Variants in LMF1 observed in about 807,000 individuals in gnomAD.
The protein encoded by LMF1 is lipase maturation factor 1.
A neutral mutation model predicts 60.6 loss-of-function variants in LMF1; 68 were observed. The observed-to-expected ratio is 1.12, with a 90% CI of 0.92 to 1.37. The LOEUF (loss-of-function observed/expected upper bound fraction) is 1.37. Among genes scored for constraint, LMF1 ranks in the 40% most tolerant of loss-of-function variants. LMF1 has a pLI of 0.00. For missense variants in LMF1, 948 were observed against 767.2 expected (o/e 1.24, Z -2.78); for synonymous variants, 418 against 324.7 (o/e 1.29, Z -3.09).
At chr16:979,980 T>G in intron 1 of LMF1, 1 of 346,416 alleles carries the variant, frequency 2.9e-6, no homozygotes, top group South Asian at 2.2e-5. Flanking sequence ...GACGGAGGTG[T>G]GGGTCTTCCC....
intron 4 of LMF1, chr16:899,507 G>C (rs2070751017): frequency 6.6e-6 from 1 of 152,208 alleles, no homozygotes; most frequent in Non-Finnish European, 1.5e-5. Flanking sequence ...CCAGGACCAG[G>C]GCGGGCCTGT....
rs2069923297 is a variant in LMF1, at chr16:874,802, A to G, written c.898-3461T>C. Among the ~76,000 whole-genome samples the G allele has an allele frequency of 6.6e-6, 1 of 151,944 alleles. No homozygotes were observed. Among genetic ancestry groups the G allele is most frequent in the East Asian group, 1.9e-4 (1 of 5,182 alleles). ...AGGCGGCGCTCAGAAGTCTCAGGGCACTCGGCTGTCACAGCGCGGCACAGG... is the reference window on the plus strand; with the variant it reads ...AGGCGGCGCTCAGAAGTCTCAGGGCGCTCGGCTGTCACAGCGCGGCACAGG... On this transcript the variant is annotated intron_variant, in intron 6 of 10. Transcript: ENST00000262301. The surrounding 1 kb of genome is among the most constrained non-coding windows in gnomAD (Gnocchi z 4.1).
intron 4 of LMF1, chr16:900,254 C>T (rs2151741093): frequency 6.6e-6 from 1 of 152,304 alleles, no homozygotes; most frequent in Non-Finnish European, 1.5e-5. Context: ...TTGCTCGATT[C>T]TGACCCCAAA....
chr16:974,344 C>T (rs1348357893), upstream of LMF1, among the ~76,000 whole-genome samples: 3 of 152,100 alleles, frequency 2.0e-5, no homozygotes, highest in East Asian at 1.9e-4. Context: ...CTGCCCTGAG[C>T]GCCTCACACC....
intron 3 of LMF1, among the ~76,000 whole-genome samples, chr16:922,493 G>A (rs555627749): frequency 6.6e-6 from 1 of 152,358 alleles, no homozygotes; most frequent in Non-Finnish European, 1.5e-5. Context: ...GCTGAGAAAA[G>A]GCATTACTAA....
At chr16:968,117 C>T (rs1191803981) in intron 1 of LMF1, among the ~76,000 whole-genome samples, 1 of 152,196 alleles carries the variant, frequency 6.6e-6, no homozygotes, top group East Asian at 1.9e-4. Flanking sequence ...CTACACACCT[C>T]GGTGGCAGCA....
chr16:929,158 G>A (rs1277764289), intron 3 of LMF1, among the ~76,000 whole-genome samples: 2 of 152,296 alleles, frequency 1.3e-5, no homozygotes, highest in East Asian at 3.9e-4. Context: ...ATCCCTCCCA[G>A]CTGCCCCAGG....
In LMF1 at chr16:871,427, G is replaced by C. The variant is rs113445575; in HGVS notation, c.898-86C>G. ...GCGCCTCTCTTCCTGGAGCAGGGAG[G>C]GGGGAGGGAACCTGCACCCAGCTCT... On this transcript the variant is annotated intron_variant, in intron 6 of 10. Coordinates refer to ENST00000262301, the MANE Select transcript of LMF1 (RefSeq NM_022773.4). The C allele has an allele frequency of 3.1e-3, 4,228 of 1,375,424 alleles. 90 individuals are homozygous for C. In the African/African-American group the frequency reaches 0.049, roughly 16 times the overall value. The allele number at this position is 1,375,424 out of a possible 1,614,324, so 85.2% of individuals were successfully genotyped here. A position where few individuals can be genotyped will look rare whatever the true frequency, so the allele number is the denominator to read the frequency against.
At chr16:974,436 C>G (rs533489155), upstream of LMF1, among the ~76,000 whole-genome samples, 35 of 152,324 alleles carry the variant, frequency 2.3e-4, no homozygotes, top group African/African-American at 8.2e-4. Flanking sequence ...CAGGCTGACC[C>G]AGGAGAGGCC....
chr16:974,277 C>T (rs986060070), upstream of LMF1, among the ~76,000 whole-genome samples: 6 of 152,188 alleles, frequency 3.9e-5, no homozygotes, highest in Non-Finnish European at 8.8e-5. Flanking sequence ...GGAGATCGGC[C>T]AGGTGTGGTC....
chr16:861,433 C>G (rs1007051945), intron 10 of LMF1, among the ~76,000 whole-genome samples: 4 of 145,490 alleles, frequency 2.7e-5, no homozygotes, highest in African/African-American at 1.0e-4. Flanking sequence ...TCTCAGCTCA[C>G]TGTAACCTCT....
chr16:881,846 G>T (rs2050550108), intron 5 of LMF1, among the ~76,000 whole-genome samples: 1 of 152,184 alleles, frequency 6.6e-6, no homozygotes, highest in Admixed American at 6.5e-5. Flanking sequence ...TTTTGGGGTG[G>T]GGGACTTTAA....
chr16:930,433 C>T (rs947699102), intron 3 of LMF1, among the ~76,000 whole-genome samples: 4 of 152,222 alleles, frequency 2.6e-5, no homozygotes, highest in South Asian at 2.1e-4. Context: ...CATGACAGTG[C>T]GCCTGTAGTC....
At chr16:912,300 G>A (rs1331521636) in intron 3 of LMF1, among the ~76,000 whole-genome samples, 1 of 152,100 alleles carries the variant, frequency 6.6e-6, no homozygotes, top group South Asian at 2.1e-4. Context: ...GCTTGTGGGG[G>A]CAGTGTCTAC....
intron 1 of LMF1, among the ~76,000 whole-genome samples, chr16:964,997 T>G (rs539882079): frequency 4.6e-5 from 7 of 152,198 alleles, no homozygotes; most frequent in Non-Finnish European, 8.8e-5. Flanking sequence ...AAAACTAGCA[T>G]GGAGATCCCC....
chr16:945,189 C>T (rs144438531), intron 2 of LMF1, among the ~76,000 whole-genome samples: 8 of 123,062 alleles, frequency 6.5e-5, no homozygotes, highest in African/African-American at 1.3e-4. Flanking sequence ...CCAGCCTGGG[C>T]GACAAGAGCG....
intron 2 of LMF1, among the ~76,000 whole-genome samples, chr16:952,114 G>A (rs1349589645): frequency 3.9e-5 from 6 of 152,198 alleles, no homozygotes; most frequent in Non-Finnish European, 7.4e-5. Flanking sequence ...GGTGCCCAAG[G>A]CATCCCCAGG....
intron 2 of LMF1, among the ~76,000 whole-genome samples, chr16:941,909 C>T (rs1291789826): frequency 6.6e-6 from 1 of 152,172 alleles, no homozygotes; most frequent in East Asian, 1.9e-4. Context: ...ACAGTTTTTG[C>T]CTTAGTTGTG....
intron 3 of LMF1, among the ~76,000 whole-genome samples, chr16:925,079 C>T (rs989955643): frequency 6.6e-6 from 1 of 152,220 alleles, no homozygotes; most frequent in Non-Finnish European, 1.5e-5. Context: ...GGCTGAGCTG[C>T]CCCCTGCGGA....
Sources: allele counts gnomAD v4.1 joint callset (sites outside exome capture counted in the v4.1 genomes callset), GRCh38; gene constraint gnomAD v4.1.1; non-coding constraint Gnocchi (gnomAD v3.1); transcripts MANE v1.5; gene names NCBI Gene and HGNC (gene_info 2026-07-23, HGNC 2026-07-21).